CABLES2: variants seen among roughly 807,000 people sequenced by gnomAD.
CABLES2 encodes the protein CDK5 and ABL1 enzyme substrate 2.
CABLES2 carries 35 observed loss-of-function variants against 44.8 expected under a neutral mutation model. The observed-to-expected ratio is 0.78, with a 90% CI of 0.60 to 1.04. The LOEUF is 1.04. Ranked by LOEUF, CABLES2 falls within the 50% of genes least tolerant of loss-of-function variation. CABLES2 has a pLI of 0.00. For synonymous variants in CABLES2, 282 were observed against 281.1 expected (o/e 1.00, Z -0.03); for missense variants, 566 against 615.7 (o/e 0.92, Z 0.85).
In CABLES2 at chr20:62,394,259, C is replaced by G. The variant is rs2146419938; in HGVS notation, c.612G>C (p.Leu204=). The part of the protein sequence containing the change: ...PYGEGLRISD[L]RVDSQKQRHP... The stretch of plus-strand genomic sequence containing the variant: ...GCCTCTGCTTCTGGCTGTCCACCCT[C>G]AGGTCACTGCAAACATGGGAGAGGC... The change falls in exon 5 of 10, where the codon CTG becomes CTC. Residue 204 remains leucine, a synonymous_variant. Transcript: ENST00000279101. 6.2e-7 allele frequency: 1 copy of G among 1,613,096 alleles called. No homozygotes were observed. The highest frequency in any genetic ancestry group is 8.5e-7 in the Non-Finnish European group (1 of 1,179,848).
chr20:62,405,539 G>T (rs888641113), intron 1 of CABLES2: 1 of 152,330 alleles, frequency 6.6e-6, no homozygotes, highest in African/African-American at 2.4e-5. Context: ...CAAGGATGGA[G>T]TGCACCGCGA....
chr20:62,395,108 C>A, intron 3 of CABLES2, 94 bp from the exon 4 acceptor site: 1 of 1,030,524 alleles, frequency 9.7e-7, no homozygotes, highest in South Asian at 1.4e-5. Context: ...TGGAAAATTC[C>A]TTCTGCCTAA....
chr20:62,406,257 C>T (rs1988280879), intron 1 of CABLES2, among the ~76,000 whole-genome samples: 1 of 151,986 alleles, frequency 6.6e-6, no homozygotes, highest in African/African-American at 2.4e-5. Context: ...GCCAGGAGGA[C>T]CCCGGCCCAC....
intron 1 of CABLES2, chr20:62,405,559 G>A (rs1197269868): frequency 6.6e-6 from 1 of 152,348 alleles, no homozygotes; most frequent in Non-Finnish European, 1.5e-5. Flanking sequence ...ACCTGCGTGT[G>A]ACGCAACCTG....
At position 62,398,071 on chromosome 20, in the gene CABLES2, C is replaced by CAGTGATGGTGAT. The variant is rs1329645222; in HGVS notation, c.363-1480_363-1479insATCACCATCACT. Among the ~76,000 whole-genome samples the CAGTGATGGTGAT allele has an allele frequency of 5.0e-4, 34 of 68,292 alleles. 1 individual carries two copies. The East Asian group carries it at 0.02, about 40-fold the overall frequency. The allele number at this position is 68,292 out of a possible 152,430, so 44.8% of individuals were successfully genotyped here. A position where few individuals can be genotyped will look rare whatever the true frequency, so the allele number is the denominator to read the frequency against. On this transcript the variant is annotated intron_variant, in intron 1 of 9. Coordinates refer to ENST00000279101, the MANE Select transcript of CABLES2 (RefSeq NM_031215.3). ...GTGGTGATGGCGATGGTGGTGGTGA[C>CAGTGATGGTGAT]GGTGGTGGTGGTGGTGACGGTGGTG...
rs779628073 is a variant in CABLES2, at chr20:62,393,451, C to T, written c.869G>A (p.Ser290Asn). ...GGCACGTGGGCTACCTAGTTCTGTG[C>T]TGGCTGGTGCCGACTTGGTGGGGGC... is the stretch of plus-strand genomic sequence containing the variant. ...KPAPTKSAPA[S>N]TELGSDVGDT... Residue 290 changes from serine to asparagine, a missense_variant, in exon 6 of 10, where the codon AGC becomes AAC. By Grantham distance (46) the Ser-to-Asn change is conservative. This residue lies in a region of CABLES2 where 436 missense variants were observed against 536.3 expected (regional missense o/e 0.81). Transcript: ENST00000279101. 1.4e-5 allele frequency: 23 copies of T among 1,606,594 alleles called. No individual in the cohort carries two copies. The highest frequency in any genetic ancestry group is 1.7e-5 in the Non-Finnish European group (20 of 1,176,114).
In CABLES2 at chr20:62,398,067, G is replaced by A. The variant is rs1400445342; in HGVS notation, c.363-1475C>T. ...GATGGTGGTGATGGCGATGGTGGTG[G>A]TGACGGTGGTGGTGGTGGTGACGGT... is the stretch of plus-strand genomic sequence containing the variant. On this transcript the variant is annotated intron_variant, in intron 1 of 9. Transcript: ENST00000279101. Among the ~76,000 whole-genome samples, 101 of 61,190 alleles carry A rather than the reference G, an allele frequency of 1.7e-3. 1 individual carries two copies. Among genetic ancestry groups the A allele is most frequent in the Non-Finnish European group, 2.5e-3 (78 of 31,650 alleles). 40.1% of individuals were successfully genotyped at this position (61,190 alleles called of 152,430 possible). A position where few individuals can be genotyped will look rare whatever the true frequency, so the allele number is the denominator to read the frequency against.
In CABLES2 at chr20:62,391,266, C is replaced by T. The variant is rs201701496; in HGVS notation, c.1279G>A (p.Val427Met). The change falls in exon 9 of 10, where the codon GTG becomes ATG. Residue 427 changes from valine (V) to methionine (M), a missense_variant. Coordinates refer to ENST00000279101, the MANE Select transcript of CABLES2 (RefSeq NM_031215.3). The surrounding 1 kb of genome is among the most constrained non-coding windows in gnomAD (Gnocchi z 5.7). The part of the protein sequence containing the change: ...KISSDLRKSG[V>M]TQLIDKLEER... ...GCACTCACATCGATGAGCTGCGTCA[C>T]GCCGCTCTTGCGCAGGTCACTGCTG... The T allele has an allele frequency of 1.7e-5, 27 of 1,610,054 alleles. No homozygotes were observed. Among genetic ancestry groups the T allele is most frequent in the East Asian group, 4.5e-5 (2 of 44,800 alleles).
chr20:62,396,723 G>T lies in CABLES2; in HGVS notation c.363-131C>A. ...CCCAGCGGCGCACCCATGGGCCGAGGGGCTTCCAGAGCCCATGCAGACTGA... is the reference window on the plus strand; with the variant it reads ...CCCAGCGGCGCACCCATGGGCCGAGTGGCTTCCAGAGCCCATGCAGACTGA... On this transcript the variant is annotated intron_variant, in intron 1 of 9. Coordinates refer to ENST00000279101, the MANE Select transcript of CABLES2 (RefSeq NM_031215.3). This position sits in a 1 kb window ranked among gnomAD's most constrained non-coding sequence, Gnocchi z 5.7. 1 of 911,264 alleles carries T rather than the reference G, an allele frequency of 1.1e-6. No homozygotes were observed. The highest frequency in any genetic ancestry group is 1.7e-6 in the Non-Finnish European group (1 of 591,570). 56.4% of individuals were successfully genotyped at this position (911,264 alleles called of 1,614,324 possible). A position where few individuals can be genotyped will look rare whatever the true frequency, so the allele number is the denominator to read the frequency against.
rs867698105 is a variant in CABLES2 at position 62,407,092 on chromosome 20, G to A, written c.185C>T (p.Pro62Leu). ...CTTCTCTCCGCCCGGGCCCAGGCTC[G>A]GGGGCCGCCCGTCCAGGGAGATGTT... Reference protein sequence around the residue: ...LNNISLDGRPPSLGPGGEKPP... With the variant: ...LNNISLDGRPLSLGPGGEKPP... Residue 62 changes from proline (P) to leucine (L), a missense_variant, in exon 1 of 10, where the codon CCG (proline) becomes CTG (leucine). This residue lies in a region of CABLES2 where 130 missense variants were observed against 79.4 expected (regional missense o/e 1.64). Transcript: ENST00000279101. 3 of 1,050,352 alleles carry A rather than the reference G, an allele frequency of 2.9e-6. No individual in the cohort carries two copies. Among genetic ancestry groups the A allele is most frequent in the Non-Finnish European group, 3.4e-6 (3 of 871,388 alleles). 65.1% of individuals were successfully genotyped at this position (1,050,352 alleles called of 1,614,324 possible).
chr20:62,390,624 C>T lies in CABLES2; in HGVS notation c.*347G>A, dbSNP rs1470804875. 3 of 288,232 alleles carry T rather than the reference C, an allele frequency of 1.0e-5. No homozygotes were observed. Among genetic ancestry groups the T allele is most frequent in the African/African-American group, 2.1e-5 (1 of 47,082 alleles). 17.9% of individuals were successfully genotyped at this position (288,232 alleles called of 1,614,324 possible). A position where few individuals can be genotyped will look rare whatever the true frequency, so the allele number is the denominator to read the frequency against. ...AGAAGGCGAGGCCAGGGGAGACACA[C>T]TGCAGCCGGCTCGCTGCTGCACGCT... On this transcript the variant is annotated 3_prime_UTR_variant, in exon 10 of 10. Coordinates refer to ENST00000279101, the MANE Select transcript of CABLES2 (RefSeq NM_031215.3).
chr20:62,401,460 T>C (rs912986864), intron 1 of CABLES2, among the ~76,000 whole-genome samples: 1 of 152,174 alleles, frequency 6.6e-6, no homozygotes, highest in East Asian at 1.9e-4. Flanking sequence ...CCAGCGTCCA[T>C]TGCTTGGTGC....
intron 1 of CABLES2, among the ~76,000 whole-genome samples, chr20:62,406,435 G>A (rs1988286325): frequency 7.3e-6 from 1 of 136,686 alleles, no homozygotes; most frequent in Non-Finnish European, 1.6e-5. Flanking sequence ...GGTAATAAGG[G>A]CTGAACCCTA....
chr20:62,393,872 A>G (rs917410002), intron 5 of CABLES2, among the ~76,000 whole-genome samples: 4 of 152,226 alleles, frequency 2.6e-5, no homozygotes, highest in African/African-American at 9.7e-5. Context: ...CCACCAGCAC[A>G]GAGGCCAGAG....
At chr20:62,392,716 G>A (rs939115345) in intron 7 of CABLES2, among the ~76,000 whole-genome samples, 8 of 152,224 alleles carry the variant, frequency 5.3e-5, no homozygotes, top group African/African-American at 1.7e-4. Flanking sequence ...TGCCGAGGGC[G>A]GAAGGGCAAG....
chr20:62,406,795 C>T, intron 1 of CABLES2, 120 bp downstream of exon 1: 1 of 513,346 alleles, frequency 1.9e-6, no homozygotes, highest in Non-Finnish European at 2.8e-6. Context: ...TCACCTGACC[C>T]CCTTGTCCTG....
chr20:62,390,868 C>A lies in CABLES2; in HGVS notation c.*103G>T. The A allele has an allele frequency of 7.1e-7, 1 of 1,413,854 alleles. No individual in the cohort carries two copies. The highest frequency in any genetic ancestry group is 9.7e-7 in the Non-Finnish European group (1 of 1,026,766). The allele number at this position is 1,413,854 out of a possible 1,614,324, so 87.6% of individuals were successfully genotyped here. A position where few individuals can be genotyped will look rare whatever the true frequency, so the allele number is the denominator to read the frequency against. ...GCGGAGGCCAGGTGCCTCCTGCTAG[C>A]AGGTGCTGGGGGTGCTGGCAGGAGG... is the stretch of plus-strand genomic sequence containing the variant. On this transcript the variant is annotated 3_prime_UTR_variant, in exon 10 of 10. Coordinates refer to ENST00000279101, the MANE Select transcript of CABLES2 (RefSeq NM_031215.3).
chr20:62,397,708 C>T (rs994403699), intron 1 of CABLES2, among the ~76,000 whole-genome samples: 2 of 152,332 alleles, frequency 1.3e-5, no homozygotes, highest in African/African-American at 4.8e-5. Context: ...TGCCTGAGCA[C>T]CAAGGCATTC....
chr20:62,398,109 G>GCGA (rs1988090786), intron 1 of CABLES2, among the ~76,000 whole-genome samples: 103 of 104,880 alleles, frequency 9.8e-4, no homozygotes, highest in African/African-American at 3.3e-3. Flanking sequence ...GGTGGTGATG[G>GCGA]TGGTGGTGGT....
Sources: gnomAD v4.1 joint callset for allele counts (sites outside exome capture counted in the v4.1 genomes callset) on GRCh38, gnomAD v4.1.1 for gene constraint, gnomAD v4.1.1 regional missense constraint, Gnocchi (gnomAD v3.1) non-coding constraint, MANE v1.5 for transcripts, NCBI Gene and HGNC (gene_info 2026-07-23, HGNC 2026-07-21) for gene names.